PIAS1: variants seen among roughly 807,000 people sequenced by gnomAD.
The protein encoded by PIAS1 is protein inhibitor of activated STAT 1.
A neutral mutation model predicts 71.3 loss-of-function variants in PIAS1; 6 were observed. The ratio of observed to expected loss-of-function variants is 0.08; its 90% CI spans 0.05 to 0.17. The LOEUF is 0.17. PIAS1 is among the 10% of genes least tolerant of loss of function. The pLI is 1.00. For synonymous variants in PIAS1, 303 were observed against 292.9 expected (o/e 1.03, Z -0.35); for missense variants, 555 against 793.6 (o/e 0.70, Z 3.61).
At chr15:68,059,029 G>A (rs1307090482) in intron 1 of PIAS1, among the ~76,000 whole-genome samples, 1 of 135,980 alleles carries the variant, frequency 7.4e-6, no homozygotes, top group African/African-American at 2.8e-5. Flanking sequence ...TTTTGAGACG[G>A]AGTCTTCCTC....
Position 68,189,858 on chromosome 15 carries a change from T to C in PIAS1, c.*2023T>C, listed in dbSNP as rs913506415. The stretch of plus-strand genomic sequence containing the variant: ...TTATAGTGAGCAAATGTCGTATTAA[T>C]TTAGGCTAATTTCTAATACTACCAT... On this transcript the variant is annotated 3_prime_UTR_variant, in exon 14 of 14. Transcript: ENST00000249636. 15 of 152,344 alleles carry C rather than the reference T, an allele frequency of 9.8e-5. No homozygotes were observed. The highest frequency in any genetic ancestry group is 4.1e-4 in the South Asian group (2 of 4,830). The allele number at this position is 152,344 out of a possible 1,614,324, so 9.4% of individuals were successfully genotyped here.
rs2093003347 is a variant in PIAS1, at chr15:68,173,385, G to A, written c.1009-347G>A. On this transcript the variant is annotated intron_variant, in intron 8 of 13. Transcript: ENST00000249636. This position sits in a 1 kb window ranked among gnomAD's most constrained non-coding sequence, Gnocchi z 4.3. ...CCATCTGTTTAAAAAAAAAAAACTG[G>A]TGAAAGCACTCTCTCCAGAAAAATG... Among the ~76,000 whole-genome samples, 1 of 151,958 alleles carries A rather than the reference G, an allele frequency of 6.6e-6. No individual in the cohort carries two copies. The highest frequency in any genetic ancestry group is 2.1e-4 in the South Asian group (1 of 4,816).
chr15:68,067,059 T>A (rs1475309299), intron 1 of PIAS1, among the ~76,000 whole-genome samples: 1 of 152,150 alleles, frequency 6.6e-6, no homozygotes, highest in Non-Finnish European at 1.5e-5. Flanking sequence ...ATGCAGACTT[T>A]GCTTAATCTC....
chr15:68,131,850 G>A lies in PIAS1; in HGVS notation c.470-10096G>A, dbSNP rs553135779. Among the ~76,000 whole-genome samples the A allele has an allele frequency of 2.0e-4, 30 of 151,976 alleles. No individual in the cohort carries two copies. The East Asian group carries it at 2.9e-3, about 15-fold the overall frequency. On this transcript the variant is annotated intron_variant, in intron 2 of 13. Transcript: ENST00000249636. ...GACATCTCTTTGACATACTGTTTTC[G>A]AATCTTTTGGGTAAATACCTAGAAG...
At chr15:68,084,003 C>T (rs1469336113) in intron 1 of PIAS1, among the ~76,000 whole-genome samples, 57 of 152,058 alleles carry the variant, frequency 3.7e-4, no homozygotes, top group South Asian at 4.1e-4. Context: ...TGAGGGCGCT[C>T]AAGTTTATTG....
chr15:68,088,200 A>ATATATATATATATC, intron 2 of PIAS1, among the ~76,000 whole-genome samples: 1 of 143,416 alleles, frequency 7.0e-6, no homozygotes, highest in Non-Finnish European at 1.5e-5. Flanking sequence ...ATATATATAT[A>ATATATATATATATC]TCCCATTTTA....
intron 1 of PIAS1, among the ~76,000 whole-genome samples, chr15:68,071,269 C>CTT (rs201177318): frequency 0.011 from 1,094 of 102,750 alleles, 20 homozygotes; most frequent in African/African-American, 0.039. Context: ...TTGCTTCATT[C>CTT]TTTTTTTTTT....
intron 4 of PIAS1, among the ~76,000 whole-genome samples, chr15:68,142,753 A>G (rs2092780809): frequency 6.6e-6 from 1 of 151,728 alleles, no homozygotes; most frequent in South Asian, 2.1e-4. Flanking sequence ...ATCAAGTTTT[A>G]TGAAAGCATG....
chr15:68,111,291 A>G (rs761691705), intron 2 of PIAS1, among the ~76,000 whole-genome samples: 6 of 152,202 alleles, frequency 3.9e-5, no homozygotes, highest in Non-Finnish European at 5.9e-5. Context: ...AGATTTAACT[A>G]GAAGGCGAAG....
chr15:68,149,016 A>G (rs1291543243), intron 6 of PIAS1, among the ~76,000 whole-genome samples: 3 of 152,124 alleles, frequency 2.0e-5, no homozygotes, highest in Non-Finnish European at 2.9e-5. Context: ...GTGGGGGGCT[A>G]GGCAAATGAT....
chr15:68,093,083 A>T (rs1383954260), intron 2 of PIAS1, among the ~76,000 whole-genome samples: 1 of 152,224 alleles, frequency 6.6e-6, no homozygotes, highest in Non-Finnish European at 1.5e-5. Context: ...TAGCAAGAAG[A>T]CTTAAAGGCT....
rs138885624 is a variant in PIAS1, at chr15:68,082,802, A to T, written c.25-3504A>T. Among the ~76,000 whole-genome samples, 25 of 152,292 alleles carry T rather than the reference A, an allele frequency of 1.6e-4. No individual in the cohort carries two copies. In the East Asian group the frequency reaches 4.8e-3, roughly 29 times the overall value. ...ATATAGAGAAAAAAATGCCAGAAGA[A>T]CTAGCTAAAAAGACTTGAAAGTGGT... On this transcript the variant is annotated intron_variant, in intron 1 of 13. Coordinates refer to ENST00000249636, the MANE Select transcript of PIAS1 (RefSeq NM_016166.3).
chr15:68,120,724 A>G (rs537739047), intron 2 of PIAS1, among the ~76,000 whole-genome samples: 19 of 152,172 alleles, frequency 1.2e-4, no homozygotes, highest in African/African-American at 4.6e-4. Context: ...GCGTGATCTC[A>G]GCTCACTGCA....
chr15:68,076,029 C>T (rs1330267604), intron 1 of PIAS1, among the ~76,000 whole-genome samples: 4 of 152,098 alleles, frequency 2.6e-5, no homozygotes, highest in African/African-American at 4.8e-5. Flanking sequence ...GTGATCTGCC[C>T]GCTGCCGCCT....
At chr15:68,124,580 G>C (rs987002959) in intron 2 of PIAS1, among the ~76,000 whole-genome samples, 5 of 151,990 alleles carry the variant, frequency 3.3e-5, no homozygotes, top group Non-Finnish European at 5.9e-5. Flanking sequence ...AATTAGCCGG[G>C]TGTGGTGGTG....
intron 12 of PIAS1, 62 bp from the exon 13 acceptor site, chr15:68,183,568 G>T: frequency 1.4e-6 from 1 of 690,258 alleles, no homozygotes; most frequent in Non-Finnish European, 2.6e-6. Context: ...TGAAGTATTG[G>T]GGCATTTGGA....
At chr15:68,068,460 T>A (rs2092054272) in intron 1 of PIAS1, among the ~76,000 whole-genome samples, 1 of 151,302 alleles carries the variant, frequency 6.6e-6, no homozygotes. Flanking sequence ...GGGTTAAGTC[T>A]TTTTTTTTGA....
intron 2 of PIAS1, among the ~76,000 whole-genome samples, chr15:68,121,963 A>AC (rs1268507450): frequency 6.6e-6 from 1 of 152,060 alleles, no homozygotes. Context: ...CTCTGTCTCT[A>AC]CAAAAAATAC....
chr15:68,155,282 G>A (rs555143794), intron 7 of PIAS1, among the ~76,000 whole-genome samples: 60 of 152,014 alleles, frequency 3.9e-4, no homozygotes, highest in Middle Eastern at 3.4e-3. Flanking sequence ...TATACTGATG[G>A]ATGTGGAGAA....
Sources: allele counts gnomAD v4.1 joint callset (sites outside exome capture counted in the v4.1 genomes callset), GRCh38; gene constraint gnomAD v4.1.1; non-coding constraint Gnocchi (gnomAD v3.1); transcripts MANE v1.5; gene names NCBI Gene and HGNC (gene_info 2026-07-23, HGNC 2026-07-21).